Variants in MAPKAP1 observed in about 807,000 individuals in gnomAD.
MAPKAP1 encodes the protein target of rapamycin complex 2 subunit MAPKAP1.
In MAPKAP1, 20 loss-of-function variants were observed where a neutral mutation model predicts 65.7. The ratio of observed to expected loss-of-function variants is 0.30; its 90% CI spans 0.21 to 0.44. The LOEUF (loss-of-function observed/expected upper bound fraction) is 0.44. MAPKAP1 is among the 20% of genes least tolerant of loss of function. The probability of loss-of-function intolerance (pLI) is 1.00; values close to 1 mark genes in which losing one functional copy is unlikely to be tolerated. For synonymous variants in MAPKAP1, 222 were observed against 244.3 expected, an observed-to-expected ratio of 0.91 and a Z score of 0.85; for missense variants, 423 against 648.0, an observed-to-expected ratio of 0.65 and a Z score of 3.77.
At chr9:125,648,490 C>T (rs959595373) in intron 4 of MAPKAP1, among the ~76,000 whole-genome samples, 3 of 152,188 alleles carry the variant, frequency 2.0e-5, no homozygotes, top group Admixed American at 6.5e-5. Context: ...GAAATCAAGG[C>T]TCATAGATGA....
At chr9:125,537,745 G>C (rs1328982308) in intron 7 of MAPKAP1, among the ~76,000 whole-genome samples, 1 of 152,194 alleles carries the variant, frequency 6.6e-6, no homozygotes, top group Non-Finnish European at 1.5e-5. Flanking sequence ...GGCCTCCCAA[G>C]TGTTGGAATT....
At chr9:125,620,824 T>C (rs1374768610) in intron 4 of MAPKAP1, among the ~76,000 whole-genome samples, 1 of 152,150 alleles carries the variant, frequency 6.6e-6, no homozygotes, top group Admixed American at 6.5e-5. Flanking sequence ...ATATGGACAC[T>C]AGAAGATATA....
intron 9 of MAPKAP1, among the ~76,000 whole-genome samples, chr9:125,480,893 A>G (rs914082232): frequency 2.7e-5 from 4 of 149,660 alleles, no homozygotes; most frequent in African/African-American, 9.9e-5. Flanking sequence ...AATGGCGTGA[A>G]CCCGGTAGGA....
chr9:125,438,531 T>G lies in MAPKAP1; in HGVS notation c.*356A>C. The G allele has an allele frequency of 2.4e-6, 1 of 412,874 alleles. No individual in the cohort carries two copies. Among genetic ancestry groups the G allele is most frequent in the East Asian group, 3.5e-5 (1 of 28,618 alleles). 25.6% of individuals were successfully genotyped at this position (412,874 alleles called of 1,614,324 possible). A position where few individuals can be genotyped will look rare whatever the true frequency, so the allele number is the denominator to read the frequency against. ...GAAATGTACATTTTTGTTGTTTGCT[T>G]TAAGAAATTTGATCAAGTTGCAAGG... is the stretch of plus-strand genomic sequence containing the variant. On this transcript the variant is annotated 3_prime_UTR_variant, in exon 12 of 12. Transcript: ENST00000265960.
chr9:125,625,291 A>G (rs2131671741), intron 4 of MAPKAP1, among the ~76,000 whole-genome samples: 1 of 149,424 alleles, frequency 6.7e-6, no homozygotes, highest in Admixed American at 6.7e-5. Context: ...CAAGGGAGAG[A>G]ATTTACATTC....
intron 4 of MAPKAP1, among the ~76,000 whole-genome samples, chr9:125,636,332 A>G (rs1833422327): frequency 6.6e-6 from 1 of 152,270 alleles, no homozygotes; most frequent in African/African-American, 2.4e-5. Flanking sequence ...CTGAAAGCAA[A>G]AAATGAAACC....
chr9:125,698,175 GTA>G lies in MAPKAP1; in HGVS notation c.-70+8794_-70+8795del, dbSNP rs1193827401. Reference sequence around the variant, plus strand: ...CTCTCTCTATACGTATATACAAAAAGTATATATATATACACACACATATGTGT... The same window carrying G: ...CTCTCTCTATACGTATATACAAAAAGTATATATATACACACACATATGTGT... On this transcript the variant is annotated intron_variant, in intron 1 of 11. Transcript: ENST00000265960. Among the ~76,000 whole-genome samples the G allele has an allele frequency of 1.0e-3, 150 of 144,778 alleles. 1 individual carries two copies. The highest frequency in any genetic ancestry group is 3.5e-3 in the African/African-American group (139 of 39,360). 95.0% of individuals were successfully genotyped at this position (144,778 alleles called of 152,430 possible).
intron 2 of MAPKAP1, among the ~76,000 whole-genome samples, chr9:125,671,744 T>C (rs1031056751): frequency 7.2e-5 from 11 of 152,178 alleles, no homozygotes; most frequent in South Asian, 6.2e-4. Context: ...CAAAAGGTGA[T>C]CAATTTAAGA....
rs2131598355 is a variant in MAPKAP1, at chr9:125,595,207, T to C, written c.499-9480A>G. ...TAAGTCAAAGACTATGAATGTTTTG[T>C]AACTTGTGATATATACTGGAAAAGC... On this transcript the variant is annotated intron_variant, in intron 4 of 11. Transcript: ENST00000265960. This position sits in a 1 kb window ranked among gnomAD's most constrained non-coding sequence, Gnocchi z 4.0. Among the ~76,000 whole-genome samples, 1 of 152,352 alleles carries C rather than the reference T, an allele frequency of 6.6e-6. No individual in the cohort carries two copies. Among genetic ancestry groups the C allele is most frequent in the Middle Eastern group, 3.4e-3 (1 of 294 alleles).
At chr9:125,659,171 T>C (rs182677402) in intron 3 of MAPKAP1, among the ~76,000 whole-genome samples, 24 of 152,316 alleles carry the variant, frequency 1.6e-4, no homozygotes, top group Non-Finnish European at 3.1e-4. Context: ...ATGCTTACAA[T>C]TGGGAAAGAA....
chr9:125,561,741 C>T (rs989120764), intron 5 of MAPKAP1, among the ~76,000 whole-genome samples: 8 of 152,064 alleles, frequency 5.3e-5, no homozygotes, highest in African/African-American at 1.9e-4. Context: ...AGGGTATAAT[C>T]GTCCCTCAGA....
At chr9:125,473,621 T>G (rs1413322883) in intron 9 of MAPKAP1, among the ~76,000 whole-genome samples, 1 of 152,218 alleles carries the variant, frequency 6.6e-6, no homozygotes, top group Non-Finnish European at 1.5e-5. Context: ...AGGAGACCCT[T>G]GTCTGCTTTA....
intron 4 of MAPKAP1, among the ~76,000 whole-genome samples, chr9:125,649,618 C>G (rs750257767): frequency 3.3e-5 from 5 of 151,904 alleles, no homozygotes; most frequent in Non-Finnish European, 7.4e-5. Context: ...AAAAAAGAGG[C>G]TTTTTGCTCC....
At chr9:125,529,177 G>GAAAAAAAAAAAAAAAAAAAAAAAAAA in intron 7 of MAPKAP1, among the ~76,000 whole-genome samples, 1 of 99,756 alleles carries the variant, frequency 1.0e-5, no homozygotes, top group Non-Finnish European at 1.9e-5. Context: ...TCTATCTCAG[G>GAAAAAAAAAAAAAAAAAAAAAAAAAA]AAAAAAAAAA....
At chr9:125,688,399 A>C (rs1835054309) in intron 1 of MAPKAP1, among the ~76,000 whole-genome samples, 2 of 152,100 alleles carry the variant, frequency 1.3e-5, no homozygotes, top group African/African-American at 4.8e-5. Flanking sequence ...CGGCCTCCCA[A>C]AGTACGGGGG....
chr9:125,662,534 T>C (rs1311419080), intron 3 of MAPKAP1, among the ~76,000 whole-genome samples: 1 of 152,008 alleles, frequency 6.6e-6, no homozygotes, highest in African/African-American at 2.4e-5. Flanking sequence ...ATACACAAAA[T>C]TAGCTGGGTG....
intron 7 of MAPKAP1, among the ~76,000 whole-genome samples, chr9:125,519,416 C>T (rs1173554286): frequency 1.3e-5 from 2 of 151,956 alleles, no homozygotes; most frequent in Admixed American, 1.3e-4. Context: ...TGGGGAGGAT[C>T]GCTTGACGCC....
intron 4 of MAPKAP1, among the ~76,000 whole-genome samples, chr9:125,611,553 G>T (rs1455058793): frequency 2.0e-5 from 3 of 152,132 alleles, no homozygotes; most frequent in Non-Finnish European, 4.4e-5. Context: ...AATGATGAAA[G>T]ACACTAATAT....
intron 1 of MAPKAP1, among the ~76,000 whole-genome samples, chr9:125,694,905 C>T (rs1835338191): frequency 6.6e-6 from 1 of 152,086 alleles, no homozygotes; most frequent in African/African-American, 2.4e-5. Context: ...TTATAAGTCC[C>T]AAGTATAAAT....
Sources: gnomAD v4.1 joint callset for allele counts (sites outside exome capture counted in the v4.1 genomes callset) on GRCh38, gnomAD v4.1.1 for gene constraint, Gnocchi (gnomAD v3.1) non-coding constraint, MANE v1.5 for transcripts, NCBI Gene and HGNC (gene_info 2026-07-23, HGNC 2026-07-21) for gene names.